Variants in RAB11FIP3 observed in about 807,000 individuals in gnomAD.
RAB11FIP3 encodes RAB11 family interacting protein 3.
RAB11FIP3 carries 17 observed loss-of-function variants against 77.8 expected under a neutral mutation model. That is an observed-to-expected ratio of 0.22 (90% CI 0.15 to 0.33). The LOEUF is 0.33. Among genes scored for constraint, RAB11FIP3 ranks in the 10% least tolerant of loss-of-function variants. The probability of loss-of-function intolerance (pLI) is 1.00; values close to 1 mark genes in which losing one functional copy is unlikely to be tolerated. For synonymous variants in RAB11FIP3, 437 were observed against 448.2 expected (o/e 0.98, Z 0.31); for missense variants, 1,005 against 1,011.2 (o/e 0.99, Z 0.08).
At chr16:490,690 A>T (rs1377922019) in intron 5 of RAB11FIP3, among the ~76,000 whole-genome samples, 1 of 152,204 alleles carries the variant, frequency 6.6e-6, no homozygotes, top group Non-Finnish European at 1.5e-5. Context: ...TTTTTGCTAG[A>T]GGTGGTTTTT....
At chr16:460,852 C>T (rs570258836) in intron 1 of RAB11FIP3, among the ~76,000 whole-genome samples, 3 of 150,640 alleles carry the variant, frequency 2.0e-5, no homozygotes, top group South Asian at 2.1e-4. Context: ...CTGCTGGCAG[C>T]CCATTTACAG....
intron 9 of RAB11FIP3, among the ~76,000 whole-genome samples, chr16:516,848 C>A (rs2032438739): frequency 6.6e-6 from 1 of 152,150 alleles, no homozygotes; most frequent in African/African-American, 2.4e-5. Flanking sequence ...AGCAAAACTC[C>A]ATCTCAAAAA....
Position 520,803 on chromosome 16 carries a change from C to T in RAB11FIP3, c.2235C>T (p.Ile745=), listed in dbSNP as rs780601715. The change falls in exon 14 of 14, where the codon ATC becomes ATT. Residue 745 remains isoleucine (I), a synonymous_variant. Coordinates refer to ENST00000262305, the MANE Select transcript of RAB11FIP3 (RefSeq NM_014700.4). The stretch of plus-strand genomic sequence containing the variant: ...ACATCGACAGGATCATCGTGGCCAT[C>T]ATGGAGACCAACCCGTCCATCCTGG... The part of the protein sequence containing the change: ...QDYIDRIIVA[I]METNPSILEV... 1.9e-5 allele frequency: 31 copies of T among 1,613,672 alleles called. No homozygotes were observed. The highest frequency in any genetic ancestry group is 2.5e-5 in the Non-Finnish European group (29 of 1,180,028).
chr16:520,451 G>T lies in RAB11FIP3; in HGVS notation c.2017-8G>T. ...CACAGCCCAGTAGTGATGTTGCTGT[G>T]CCTTCAGGACAACCGCAACCTGAAG... On this transcript the variant is annotated splice_region_variant and splice_polypyrimidine_tract_variant and intron_variant, in intron 12 of 13. Transcript: ENST00000262305. The T allele has an allele frequency of 6.2e-7, 1 of 1,613,134 alleles. No individual in the cohort carries two copies. Among genetic ancestry groups the T allele is most frequent in the South Asian group, 1.1e-5 (1 of 91,074 alleles).
chr16:475,062 G>C, intron 3 of RAB11FIP3: 1 of 1,551,612 alleles, frequency 6.4e-7, no homozygotes, highest in Non-Finnish European at 8.7e-7. Flanking sequence ...ACAGAGCCAG[G>C]CCCAGCCTGT....
Position 510,744 on chromosome 16 carries a change from G to T in RAB11FIP3, c.1584G>T (p.Glu528Asp). 4 of 1,613,422 alleles carry T rather than the reference G, an allele frequency of 2.5e-6. No individual in the cohort carries two copies. The highest frequency in any genetic ancestry group is 2.2e-5 in the South Asian group (2 of 91,072). ...MVLEETRRQK[E>D]LLCKMEREKS... ...TGGAAGAGACCCGGCGTCAGAAGGA[G>T]CTCCTGTGCAAGATGGAGAGGGAGA... Residue 528 changes from glutamate to aspartate, a missense_variant, in exon 9 of 14, where the codon GAG becomes GAT. Coordinates refer to ENST00000262305, the MANE Select transcript of RAB11FIP3 (RefSeq NM_014700.4).
chr16:462,037 T>C (rs1235635749), intron 2 of RAB11FIP3, among the ~76,000 whole-genome samples: 1 of 152,176 alleles, frequency 6.6e-6, no homozygotes, highest in Non-Finnish European at 1.5e-5. Flanking sequence ...TTACCTGCAG[T>C]GAAATGTACA....
chr16:477,105 T>G (rs894893373), intron 3 of RAB11FIP3, among the ~76,000 whole-genome samples: 20 of 111,746 alleles, frequency 1.8e-4, no homozygotes, highest in African/African-American at 5.6e-4. Context: ...AAAAAAAAAA[T>G]TAGTCAGGCA....
chr16:448,001 CTG>C (rs2055345346), intron 1 of RAB11FIP3, among the ~76,000 whole-genome samples: 1 of 151,562 alleles, frequency 6.6e-6, no homozygotes, highest in Non-Finnish European at 1.5e-5. Context: ...AGAAAAAAAA[CTG>C]TAAAGAAAAT....
rs369899792 is a variant in RAB11FIP3 at position 516,960 on chromosome 16, G to A, written c.1641-1983G>A. On this transcript the variant is annotated intron_variant, in intron 9 of 13. Transcript: ENST00000262305. ...CTCCAGGAGGCGGGGGCTGGACCCA[G>A]TGAGCGGCTTCCAGAGGACAGAGCG... Among the ~76,000 whole-genome samples, 7 of 152,368 alleles carry A rather than the reference G, an allele frequency of 4.6e-5. No individual in the cohort carries two copies. The East Asian group carries it at 1.3e-3, about 29-fold the overall frequency.
In RAB11FIP3 at chr16:480,286, C is replaced by CAAAAAAAAGAAAAAAAAA. The variant is rs752259728; in HGVS notation, c.904-2231_904-2230insGAAAAAAAAAAAAAAAAA. On this transcript the variant is annotated intron_variant, in intron 3 of 13. Coordinates refer to ENST00000262305, the MANE Select transcript of RAB11FIP3 (RefSeq NM_014700.4). ...GGCAGGAAGAGTAAAACTCCTTCTCCAAAAAAAAAAAAAAAAAAAAGTTGA... is the reference window on the plus strand; with the variant it reads ...GGCAGGAAGAGTAAAACTCCTTCTCCAAAAAAAAGAAAAAAAAAAAAAAAAAAAAAAAAAAAAAGTTGA... Among the ~76,000 whole-genome samples, 39 of 80,020 alleles carry CAAAAAAAAGAAAAAAAAA rather than the reference C, an allele frequency of 4.9e-4. 2 individuals are homozygous for CAAAAAAAAGAAAAAAAAA. Among genetic ancestry groups the CAAAAAAAAGAAAAAAAAA allele is most frequent in the African/African-American group, 1.6e-3 (34 of 20,756 alleles). The allele number at this position is 80,020 out of a possible 152,430, so 52.5% of individuals were successfully genotyped here.
At chr16:459,744 G>C (rs1870472195) in intron 1 of RAB11FIP3, among the ~76,000 whole-genome samples, 1 of 151,860 alleles carries the variant, frequency 6.6e-6, no homozygotes, top group Non-Finnish European at 1.5e-5. Flanking sequence ...CTGCAATGTG[G>C]TTTTAATTTA....
chr16:430,873 G>T (rs2055023989), intron 1 of RAB11FIP3, among the ~76,000 whole-genome samples: 1 of 152,344 alleles, frequency 6.6e-6, no homozygotes, highest in Non-Finnish European at 1.5e-5. Context: ...TAGAGATGAA[G>T]TATAGTATAG....
chr16:433,942 C>T (rs1352695142), intron 1 of RAB11FIP3, among the ~76,000 whole-genome samples: 1 of 151,688 alleles, frequency 6.6e-6, no homozygotes, highest in Non-Finnish European at 1.5e-5. Context: ...TAGATTGATT[C>T]CATATCTTTG....
At chr16:428,843 C>T (rs1409505402) in intron 1 of RAB11FIP3, among the ~76,000 whole-genome samples, 1 of 152,092 alleles carries the variant, frequency 6.6e-6, no homozygotes, top group African/African-American at 2.4e-5. Flanking sequence ...TGGGGCTGAG[C>T]TTTCTTGTCA....
chr16:448,617 T>A (rs189576056), intron 1 of RAB11FIP3, among the ~76,000 whole-genome samples: 8 of 151,472 alleles, frequency 5.3e-5, no homozygotes, highest in Admixed American at 5.3e-4. Flanking sequence ...GCGCCTGTAG[T>A]CCCAGCTACT....
At position 437,865 on chromosome 16, in the gene RAB11FIP3, TCATTCTTGGCCCATACC is replaced by T. The variant is rs1266693678; in HGVS notation, c.714+11148_714+11164del. The stretch of plus-strand genomic sequence containing the variant: ...TGGAGTGCAATGGCACGATCTTGGC[TCATTCTTGGCCCATACC>T]CACTGCAACCTCTGCCTCCTGGGTT... On this transcript the variant is annotated intron_variant, in intron 1 of 13. Coordinates refer to ENST00000262305, the MANE Select transcript of RAB11FIP3 (RefSeq NM_014700.4). 3.2e-4 allele frequency among the ~76,000 whole-genome samples: 49 copies of T among 152,112 alleles called. 1 individual carries two copies. In the East Asian group the frequency reaches 9.6e-3, roughly 30 times the overall value.
intron 1 of RAB11FIP3, among the ~76,000 whole-genome samples, chr16:442,870 C>CA (rs1007905053): frequency 6.6e-6 from 1 of 152,172 alleles, no homozygotes. Flanking sequence ...CTACCACTCT[C>CA]ACCCCTTATT....
At chr16:463,985 C>T (rs1321831957) in intron 2 of RAB11FIP3, among the ~76,000 whole-genome samples, 2 of 152,194 alleles carry the variant, frequency 1.3e-5, no homozygotes, top group African/African-American at 4.8e-5. Context: ...GGAGAAAGGA[C>T]ACCCTGACAA....
Sources: allele counts gnomAD v4.1 joint callset (sites outside exome capture counted in the v4.1 genomes callset), GRCh38; gene constraint gnomAD v4.1.1; transcripts MANE v1.5; gene names NCBI Gene and HGNC (gene_info 2026-07-23, HGNC 2026-07-21).